The following NRXN3 variants were observed in gnomAD, a reference collection of about 807,000 sequenced individuals.
NRXN3 encodes neurexin III.
NRXN3 carries 32 observed loss-of-function variants against 137.6 expected under a neutral mutation model. That is an observed-to-expected ratio of 0.23 (90% CI 0.18 to 0.31). The LOEUF (loss-of-function observed/expected upper bound fraction) is 0.31. NRXN3 is among the 10% of genes least tolerant of loss of function. NRXN3 has a pLI of 1.00. For missense variants in NRXN3, 1,574 were observed against 2,062.5 expected (o/e 0.76, Z 4.59); for synonymous variants, 798 against 784.5 (o/e 1.02, Z -0.29).
intron 6 of NRXN3, among the ~76,000 whole-genome samples, chr14:78,654,091 G>A (rs1313155187): frequency 2.0e-5 from 3 of 152,292 alleles, no homozygotes; most frequent in South Asian, 2.1e-4. Context: ...TGAGTCTAAC[G>A]TAGTGCTGGC....
At chr14:79,357,984 C>T (rs1474153061) in intron 15 of NRXN3, among the ~76,000 whole-genome samples, 1 of 152,164 alleles carries the variant, frequency 6.6e-6, no homozygotes, top group Non-Finnish European at 1.5e-5. Flanking sequence ...TTAGTAACAT[C>T]AAGCAGTGGG....
intron 9 of NRXN3, among the ~76,000 whole-genome samples, chr14:78,809,856 T>C (rs1308670500): frequency 6.6e-6 from 1 of 152,178 alleles, no homozygotes; most frequent in Non-Finnish European, 1.5e-5. Flanking sequence ...ACAAAAATTG[T>C]GTTAATGCTA....
chr14:79,473,021 A>G (rs758359699), intron 16 of NRXN3, among the ~76,000 whole-genome samples: 1 of 152,144 alleles, frequency 6.6e-6, no homozygotes, highest in Non-Finnish European at 1.5e-5. Context: ...TCATTTTTTA[A>G]TTATGAGCCT....
chr14:79,379,975 A>C (rs2094418937), intron 15 of NRXN3, among the ~76,000 whole-genome samples: 1 of 151,912 alleles, frequency 6.6e-6, no homozygotes, highest in Non-Finnish European at 1.5e-5. Flanking sequence ...CATAGACCTA[A>C]AAAGAAAAAC....
intron 4 of NRXN3, among the ~76,000 whole-genome samples, chr14:78,419,961 G>GCGCACA (rs1555518606): frequency 0.015 from 762 of 49,224 alleles, 1 homozygote; most frequent in African/African-American, 0.032. Flanking sequence ...GCGCGCGCAC[G>GCGCACA]CACACACACA....
intron 15 of NRXN3, among the ~76,000 whole-genome samples, chr14:79,108,345 G>A (rs1267214695): frequency 6.6e-6 from 1 of 152,142 alleles, no homozygotes; most frequent in Non-Finnish European, 1.5e-5. Context: ...ATCAGTGAAT[G>A]TTTTGGGAAC....
At chr14:79,789,415 G>A (rs1351871157) in intron 19 of NRXN3, among the ~76,000 whole-genome samples, 10 of 152,128 alleles carry the variant, frequency 6.6e-5, no homozygotes, top group Non-Finnish European at 1.5e-4. Context: ...TGGATCTCAC[G>A]CAAGAAAGAA....
Position 78,709,411 on chromosome 14 carries a change from C to G in NRXN3, c.1416C>G (p.Ser472=). ...KWNTKRMGSI[S]FDFRTTEPNG... ...ACACTAAACGTATGGGCTCCATCTC[C>G]TTTGACTTCCGCACCACAGAGCCCA... The change falls in exon 7 of 21, where the codon TCC becomes TCG. Residue 472 remains serine, a synonymous_variant. Coordinates refer to ENST00000335750, the MANE Select transcript of NRXN3 (RefSeq NM_001330195.2). The G allele has an allele frequency of 1.2e-6, 2 of 1,614,170 alleles. No homozygotes were observed. Among genetic ancestry groups the G allele is most frequent in the African/African-American group, 2.7e-5 (2 of 75,044 alleles).
chr14:79,107,386 G>T (rs1169346913), intron 15 of NRXN3, among the ~76,000 whole-genome samples: 1 of 152,118 alleles, frequency 6.6e-6, no homozygotes, highest in Non-Finnish European at 1.5e-5. Context: ...GGTGAAAGTG[G>T]CATCAACAAA....
At chr14:79,123,830 T>C (rs1289577639) in intron 15 of NRXN3, among the ~76,000 whole-genome samples, 1 of 152,108 alleles carries the variant, frequency 6.6e-6, no homozygotes, top group South Asian at 2.1e-4. Flanking sequence ...AAAGTTGTGG[T>C]TGGGGAAAGA....
rs1369954048 is a variant in NRXN3 at position 79,387,147 on chromosome 14, C to T, written c.3263-80074C>T. Among the ~76,000 whole-genome samples, 4 of 152,106 alleles carry T rather than the reference C, an allele frequency of 2.6e-5. No homozygotes were observed. The East Asian group carries it at 7.7e-4, about 29-fold the overall frequency. The stretch of plus-strand genomic sequence containing the variant: ...AGCTTCTGCACAGCAAAAGAAACTA[C>T]CATCAGAGTGAACAGGCAACCTATA... On this transcript the variant is annotated intron_variant, in intron 15 of 20. Transcript: ENST00000335750.
At chr14:79,152,948 T>C (rs984829630) in intron 15 of NRXN3, among the ~76,000 whole-genome samples, 3 of 151,946 alleles carry the variant, frequency 2.0e-5, no homozygotes, top group African/African-American at 7.2e-5. Flanking sequence ...TTGCATTTTA[T>C]TCTTGGTCAC....
At chr14:78,739,632 T>C (rs893247840) in intron 8 of NRXN3, among the ~76,000 whole-genome samples, 2 of 152,070 alleles carry the variant, frequency 1.3e-5, no homozygotes, top group Admixed American at 6.5e-5. Context: ...CCACCATGCC[T>C]GGGTATTTTT....
intron 15 of NRXN3, among the ~76,000 whole-genome samples, chr14:79,136,132 T>C (rs2058199404): frequency 1.3e-5 from 2 of 152,200 alleles, no homozygotes; most frequent in Admixed American, 1.3e-4. Context: ...GAGGCATAAA[T>C]CCTAGGAATT....
At chr14:79,523,254 G>A (rs2097086223) in intron 16 of NRXN3, among the ~76,000 whole-genome samples, 1 of 152,132 alleles carries the variant, frequency 6.6e-6, no homozygotes, top group Non-Finnish European at 1.5e-5. Flanking sequence ...GCTATCTTCA[G>A]TAAGTACAAA....
chr14:79,704,399 G>A (rs1277922807), intron 19 of NRXN3, among the ~76,000 whole-genome samples: 2 of 152,072 alleles, frequency 1.3e-5, no homozygotes, highest in Admixed American at 6.6e-5. Flanking sequence ...AGATCACACT[G>A]TATCAAAACT....
intron 4 of NRXN3, among the ~76,000 whole-genome samples, chr14:78,367,473 C>T (rs915001860): frequency 2.6e-5 from 4 of 152,192 alleles, no homozygotes; most frequent in African/African-American, 9.7e-5. Flanking sequence ...TATTCTCATC[C>T]TCCAGTAATA....
At chr14:78,813,910 A>G (rs970388230) in intron 10 of NRXN3, among the ~76,000 whole-genome samples, 1 of 152,176 alleles carries the variant, frequency 6.6e-6, no homozygotes, top group Non-Finnish European at 1.5e-5. Context: ...GCCCAGTTCC[A>G]TGCCAAGTAT....
At chr14:79,455,279 C>T (rs1303230069) in intron 15 of NRXN3, among the ~76,000 whole-genome samples, 5 of 152,068 alleles carry the variant, frequency 3.3e-5, no homozygotes, top group African/African-American at 9.7e-5. Flanking sequence ...TTTATAAGAT[C>T]GTTTGTCCCC....
Sources: gnomAD v4.1 joint callset for allele counts (sites outside exome capture counted in the v4.1 genomes callset) on GRCh38, gnomAD v4.1.1 for gene constraint, MANE v1.5 for transcripts, NCBI Gene and HGNC (gene_info 2026-07-23, HGNC 2026-07-21) for gene names.